Variants in XKR9 observed in about 807,000 individuals in gnomAD.
XKR9 encodes the protein XK-related protein 9.
In XKR9, 32 loss-of-function variants were observed where a neutral mutation model predicts 32.0. The ratio of observed to expected loss-of-function variants is 1.00; its 90% CI spans 0.76 to 1.34. The LOEUF is 1.34. XKR9 is among the 40% of genes most tolerant of loss of function. The pLI is 0.00. For missense variants in XKR9, 546 were observed against 429.7 expected (o/e 1.27, Z -2.39); for synonymous variants, 168 against 143.4 (o/e 1.17, Z -1.22).
the XKR9 span, among the ~76,000 whole-genome samples, chr8:70,998,094 T>C: frequency 6.6e-6 from 1 of 152,202 alleles, no homozygotes; most frequent in African/African-American, 2.4e-5. Context: ...TCCAAGAAGC[T>C]ACCTCTGATG....
At chr8:70,915,857 T>C in the XKR9 span, among the ~76,000 whole-genome samples, 1 of 152,186 alleles carries the variant, frequency 6.6e-6, no homozygotes, top group Non-Finnish European at 1.5e-5. Context: ...AAAATCTGCA[T>C]TGGTGCAATA....
the XKR9 span, among the ~76,000 whole-genome samples, chr8:71,025,144 T>TAGCTAGTAAATGGCAG: frequency 0.43 from 65,806 of 152,086 alleles, 15,296 homozygotes; most frequent in Non-Finnish European, 0.53. Flanking sequence ...CAAAGTGGCA[T>TAGCTAGTAAATGGCAG]AGCTGCCGTA....
chr8:70,998,693 G>A, the XKR9 span, among the ~76,000 whole-genome samples: 1 of 152,320 alleles, frequency 6.6e-6, no homozygotes, highest in Admixed American at 6.5e-5. Context: ...CACATGCAGT[G>A]ATTGTGCTTC....
At chr8:71,000,142 A>G in the XKR9 span, among the ~76,000 whole-genome samples, 2 of 152,248 alleles carry the variant, frequency 1.3e-5, no homozygotes, top group Non-Finnish European at 2.9e-5. Context: ...ATAATTGTCT[A>G]TTGGCTCTAG....
At chr8:70,693,695 A>C (rs1469099950) in intron 3 of XKR9, among the ~76,000 whole-genome samples, 1 of 152,182 alleles carries the variant, frequency 6.6e-6, no homozygotes, top group African/African-American at 2.4e-5. Flanking sequence ...CCCAAGACGG[A>C]AGGTTTGTGC....
At chr8:70,934,180 T>C in the XKR9 span, among the ~76,000 whole-genome samples, 2 of 152,054 alleles carry the variant, frequency 1.3e-5, no homozygotes, top group African/African-American at 4.8e-5. Flanking sequence ...TGGTTGAGCA[T>C]TGGTCAGCCA....
intron 2 of XKR9, among the ~76,000 whole-genome samples, chr8:70,783,226 CT>C (rs57296282): frequency 0.022 from 3,118 of 143,790 alleles, 32 homozygotes; most frequent in African/African-American, 0.031. Flanking sequence ...ATTTGTATGT[CT>C]TTTTTTTTTT....
chr8:70,796,164 G>T, the XKR9 span, among the ~76,000 whole-genome samples: 9 of 151,868 alleles, frequency 5.9e-5, no homozygotes, highest in Non-Finnish European at 2.9e-5. Context: ...TACCACACAG[G>T]TAATAAGCAT....
At chr8:70,748,640 G>A (rs1807092104) in intron 2 of XKR9, among the ~76,000 whole-genome samples, 1 of 152,330 alleles carries the variant, frequency 6.6e-6, no homozygotes. Flanking sequence ...CATGTTGATG[G>A]TAGCAGGAGG....
chr8:70,755,733 G>A (rs1807213328), intron 2 of XKR9, among the ~76,000 whole-genome samples: 1 of 141,582 alleles, frequency 7.1e-6, no homozygotes, highest in Admixed American at 7.0e-5. Context: ...CACGGGAAGG[G>A]GAACACCACA....
At chr8:71,032,199 G>T in the XKR9 span, among the ~76,000 whole-genome samples, 1 of 144,028 alleles carries the variant, frequency 6.9e-6, no homozygotes. Context: ...CAGGAGAATT[G>T]CTTGAACCTG....
chr8:70,782,883 T>G (rs1231681763), intron 2 of XKR9, among the ~76,000 whole-genome samples: 2 of 152,184 alleles, frequency 1.3e-5, no homozygotes, highest in African/African-American at 4.8e-5. Flanking sequence ...CTGCAATAAA[T>G]GTAGGACTGC....
the XKR9 span, among the ~76,000 whole-genome samples, chr8:71,019,244 TG>T: frequency 6.6e-6 from 1 of 152,310 alleles, no homozygotes; most frequent in East Asian, 1.9e-4. Context: ...ACTTGAGGTC[TG>T]TAGAATTTTA....
At chr8:70,902,563 T>A in the XKR9 span, among the ~76,000 whole-genome samples, 1 of 152,204 alleles carries the variant, frequency 6.6e-6, no homozygotes, top group African/African-American at 2.4e-5. Flanking sequence ...GCTGAGTTGA[T>A]GGGGTTTTGT....
At chr8:70,761,761 T>C (rs972983616) in intron 2 of XKR9, among the ~76,000 whole-genome samples, 1 of 152,190 alleles carries the variant, frequency 6.6e-6, no homozygotes, top group African/African-American at 2.4e-5. Context: ...TGTCATGAAA[T>C]CTTTGCCCAT....
chr8:71,020,558 A>T, the XKR9 span, among the ~76,000 whole-genome samples: 1 of 152,202 alleles, frequency 6.6e-6, no homozygotes, highest in South Asian at 2.1e-4. Context: ...ATAGAACACA[A>T]CATCATCATC....
downstream of XKR9, among the ~76,000 whole-genome samples, chr8:70,736,884 T>C (rs1317307692): frequency 1.9e-4 from 29 of 151,358 alleles, no homozygotes; most frequent in Middle Eastern, 3.5e-3. Context: ...TGTAGTATAG[T>C]TTGAAGTCAG....
downstream of XKR9, among the ~76,000 whole-genome samples, chr8:70,793,828 C>A (rs776146411): frequency 1.3e-5 from 2 of 151,384 alleles, no homozygotes; most frequent in Non-Finnish European, 2.9e-5. Flanking sequence ...GATTTCTTTG[C>A]CTGTTTTGGA....
At chr8:70,758,481 C>T (rs1807261040) in intron 2 of XKR9, among the ~76,000 whole-genome samples, 1 of 152,190 alleles carries the variant, frequency 6.6e-6, no homozygotes, top group Admixed American at 6.5e-5. Context: ...TTCCAGCTGT[C>T]TTATTCCCCA....
Sources: gnomAD v4.1 joint callset for allele counts (sites outside exome capture counted in the v4.1 genomes callset) on GRCh38, gnomAD v4.1.1 for gene constraint, MANE v1.5 for transcripts, NCBI Gene and HGNC (gene_info 2026-07-23, HGNC 2026-07-21) for gene names.